The following IL1RAP variants were observed in gnomAD, a reference collection of about 807,000 sequenced individuals.
The protein encoded by IL1RAP is interleukin-1 receptor accessory protein.
A neutral mutation model predicts 60.7 loss-of-function variants in IL1RAP; 35 were observed. The ratio of observed to expected loss-of-function variants is 0.58; its 90% CI spans 0.44 to 0.76. The LOEUF (loss-of-function observed/expected upper bound fraction) is 0.76. Ranked by LOEUF, IL1RAP falls within the 30% of genes least tolerant of loss-of-function variation. The probability of loss-of-function intolerance (pLI) is 0.00; values close to 1 mark genes in which losing one functional copy is unlikely to be tolerated. For missense variants in IL1RAP, 572 were observed against 693.9 expected (o/e 0.82, Z 1.97); for synonymous variants, 268 against 250.9 (o/e 1.07, Z -0.64).
intron 11 of IL1RAP, among the ~76,000 whole-genome samples, chr3:190,646,676 T>C (rs1734038246): frequency 6.6e-6 from 1 of 152,244 alleles, no homozygotes; most frequent in Non-Finnish European, 1.5e-5. Flanking sequence ...GCTTGTAATA[T>C]ATCTAATCAT....
chr3:190,655,537 G>A (rs931898375), downstream of IL1RAP, among the ~76,000 whole-genome samples: 4 of 148,880 alleles, frequency 2.7e-5, no homozygotes, highest in Non-Finnish European at 5.9e-5. Context: ...ATATTTTGAG[G>A]GTAGTTACTC....
chr3:190,654,190 T>TCACTCACACA (rs1553854862), downstream of IL1RAP, among the ~76,000 whole-genome samples: 1 of 140,414 alleles, frequency 7.1e-6, no homozygotes, highest in Non-Finnish European at 1.5e-5. Context: ...AAACATCATA[T>TCACTCACACA]CACACACACA....
intron 1 of IL1RAP, among the ~76,000 whole-genome samples, chr3:190,540,397 C>G (rs571777557): frequency 6.6e-6 from 1 of 152,160 alleles, no homozygotes; most frequent in African/African-American, 2.4e-5. Flanking sequence ...GCAGATAATT[C>G]TCTTTTTGGA....
intron 4 of IL1RAP, among the ~76,000 whole-genome samples, chr3:190,605,197 A>G (rs1432589988): frequency 1.3e-5 from 2 of 152,214 alleles, no homozygotes; most frequent in East Asian, 3.8e-4. Flanking sequence ...CAATCTAAGG[A>G]TATAATCCAA....
chr3:190,644,499 A>T (rs1733874075), intron 10 of IL1RAP, 102 bp downstream of exon 10: 2 of 882,262 alleles, frequency 2.3e-6, no homozygotes, highest in Non-Finnish European at 3.6e-6. Flanking sequence ...AAAAACCTAG[A>T]TTAACTGGAA....
intron 1 of IL1RAP, among the ~76,000 whole-genome samples, chr3:190,545,811 A>G (rs139006700): frequency 9.7e-4 from 148 of 152,276 alleles, no homozygotes; most frequent in African/African-American, 3.4e-3. Flanking sequence ...TGAAATGTAT[A>G]TATGTGTGAA....
At chr3:190,546,232 G>A (rs1003435133) in intron 1 of IL1RAP, among the ~76,000 whole-genome samples, 1 of 152,106 alleles carries the variant, frequency 6.6e-6, no homozygotes, top group African/African-American at 2.4e-5. Context: ...CTGTTCTATA[G>A]ATCAGTGGCA....
At chr3:190,570,609 A>G (rs889902699) in intron 3 of IL1RAP, among the ~76,000 whole-genome samples, 7 of 152,000 alleles carry the variant, frequency 4.6e-5, no homozygotes, top group African/African-American at 1.7e-4. Context: ...TCTTGTTGCC[A>G]GGCTGGAGTG....
chr3:190,578,941 G>C (rs1308831223), intron 3 of IL1RAP, among the ~76,000 whole-genome samples: 3 of 152,180 alleles, frequency 2.0e-5, no homozygotes, highest in Non-Finnish European at 4.4e-5. Flanking sequence ...CCCTCCCATG[G>C]TATGTGGGGA....
At chr3:190,582,904 A>G (rs1390027856) in intron 3 of IL1RAP, among the ~76,000 whole-genome samples, 1 of 152,112 alleles carries the variant, frequency 6.6e-6, no homozygotes, top group Non-Finnish European at 1.5e-5. Context: ...GTTTTCTGAG[A>G]TTCTTCAGGA....
At chr3:190,536,513 T>C (rs1474456576) in intron 1 of IL1RAP, among the ~76,000 whole-genome samples, 1 of 152,178 alleles carries the variant, frequency 6.6e-6, no homozygotes, top group Non-Finnish European at 1.5e-5. Flanking sequence ...ATCTTCTGGG[T>C]AGATGCTAGG....
At chr3:190,538,406 C>A (rs985458274) in intron 1 of IL1RAP, among the ~76,000 whole-genome samples, 2 of 152,142 alleles carry the variant, frequency 1.3e-5, no homozygotes, top group African/African-American at 4.8e-5. Flanking sequence ...CACTTGGTTG[C>A]TTTTGTGTGA....
chr3:190,550,985 G>C (rs1249541944), intron 1 of IL1RAP, among the ~76,000 whole-genome samples: 1 of 152,170 alleles, frequency 6.6e-6, no homozygotes, highest in African/African-American at 2.4e-5. Flanking sequence ...CTTTTAGATT[G>C]GTTTTGGTGG....
chr3:190,655,912 T>C (rs1310396253), downstream of IL1RAP: 2 of 1,537,162 alleles, frequency 1.3e-6, no homozygotes, highest in Non-Finnish European at 1.7e-6. Flanking sequence ...AGTTTTTGAT[T>C]TCATTCAGAG....
intron 9 of IL1RAP, among the ~76,000 whole-genome samples, chr3:190,633,090 TC>T (rs1363108270): frequency 6.7e-6 from 1 of 149,144 alleles, no homozygotes; most frequent in Non-Finnish European, 1.5e-5. Flanking sequence ...ATATTTTTTT[TC>T]GTATAGATCA....
chr3:190,602,023 A>G (rs914891184), intron 3 of IL1RAP, among the ~76,000 whole-genome samples: 1 of 152,124 alleles, frequency 6.6e-6, no homozygotes, highest in African/African-American at 2.4e-5. Flanking sequence ...CCCAGATTTG[A>G]TGGCTGGTGA....
At chr3:190,633,218 G>T (rs1560232631) in intron 9 of IL1RAP, among the ~76,000 whole-genome samples, 1 of 152,024 alleles carries the variant, frequency 6.6e-6, no homozygotes, top group Non-Finnish European at 1.5e-5. Context: ...CCAGTCCATG[G>T]ATATAATATA....
intron 9 of IL1RAP, among the ~76,000 whole-genome samples, chr3:190,639,700 T>A (rs947896322): frequency 3.9e-5 from 6 of 152,236 alleles, no homozygotes; most frequent in Non-Finnish European, 7.3e-5. Context: ...TGTTACAATT[T>A]TGAGTTCTGA....
At position 190,563,831 on chromosome 3, in the gene IL1RAP, G is replaced by A. The variant is rs147824453; in HGVS notation, c.-1-458G>A. On this transcript the variant is annotated intron_variant, in intron 2 of 11. Transcript: ENST00000447382. Reference sequence around the variant, plus strand: ...GAAATAGACCAAGGGAATGCAAAGAGGGGTAAGAAGGTTGAATTTATCTGC... The same window carrying A: ...GAAATAGACCAAGGGAATGCAAAGAAGGGTAAGAAGGTTGAATTTATCTGC... 2.6e-3 allele frequency: 427 copies of A among 163,952 alleles called. 3 individuals are homozygous for A. The highest frequency in any genetic ancestry group is 9.8e-3 in the African/African-American group (411 of 41,748). 10.2% of individuals were successfully genotyped at this position (163,952 alleles called of 1,614,324 possible).
Sources: allele counts gnomAD v4.1 joint callset (sites outside exome capture counted in the v4.1 genomes callset), GRCh38; gene constraint gnomAD v4.1.1; transcripts MANE v1.5; gene names NCBI Gene and HGNC (gene_info 2026-07-23, HGNC 2026-07-21).